The following AUTS2 variants were observed in gnomAD, a reference collection of about 807,000 sequenced individuals.
The protein encoded by AUTS2 is activator of transcription and developmental regulator AUTS2.
AUTS2 carries 17 observed loss-of-function variants against 112.4 expected under a neutral mutation model. That is an observed-to-expected ratio of 0.15 (90% CI 0.10 to 0.23). The LOEUF (loss-of-function observed/expected upper bound fraction) is 0.23. Ranked by LOEUF, AUTS2 falls within the 10% of genes least tolerant of loss-of-function variation. The pLI, the probability that AUTS2 is intolerant of heterozygous loss-of-function variation, is 1.00. For synonymous variants in AUTS2, 751 were observed against 702.7 expected (o/e 1.07, Z -1.09); for missense variants, 1,510 against 1,701.6 (o/e 0.89, Z 1.98).
At chr7:70,569,515 C>T (rs911906545) in intron 5 of AUTS2, among the ~76,000 whole-genome samples, 1 of 152,252 alleles carries the variant, frequency 6.6e-6, no homozygotes, top group Non-Finnish European at 1.5e-5. Context: ...ATGGAGGCAG[C>T]AAGACTGCTA....
At chr7:70,319,749 G>A (rs1246253179) in intron 4 of AUTS2, among the ~76,000 whole-genome samples, 1 of 152,176 alleles carries the variant, frequency 6.6e-6, no homozygotes, top group Non-Finnish European at 1.5e-5. Context: ...TTTGGGATGA[G>A]GTTCTGGAAG....
chr7:69,847,432 C>A (rs1203748480), intron 1 of AUTS2, among the ~76,000 whole-genome samples: 1 of 152,160 alleles, frequency 6.6e-6, no homozygotes, highest in Non-Finnish European at 1.5e-5. Context: ...GCATTTTGCT[C>A]TAAGTGTGCT....
At chr7:70,733,262 C>T (rs1438776067) in intron 6 of AUTS2, among the ~76,000 whole-genome samples, 1 of 152,158 alleles carries the variant, frequency 6.6e-6, no homozygotes, top group Admixed American at 6.5e-5. Context: ...TCTCAGGACT[C>T]TTGGAGACTT....
intron 6 of AUTS2, among the ~76,000 whole-genome samples, chr7:70,737,185 G>T (rs571873988): frequency 4.6e-5 from 7 of 152,338 alleles, no homozygotes; most frequent in South Asian, 2.1e-4. Context: ...GATTTGGGTA[G>T]TGCATGCAGG....
chr7:69,884,236 T>G (rs1317080854), intron 1 of AUTS2, among the ~76,000 whole-genome samples: 3 of 152,236 alleles, frequency 2.0e-5, no homozygotes, highest in Admixed American at 6.5e-5. Context: ...TGGACAGCTC[T>G]TACAGATAAA....
intron 2 of AUTS2, among the ~76,000 whole-genome samples, chr7:70,049,720 T>C (rs1801661944): frequency 6.6e-6 from 1 of 152,134 alleles, no homozygotes; most frequent in Non-Finnish European, 1.5e-5. Flanking sequence ...TATATGAAGA[T>C]AGGCCAGCCA....
intron 5 of AUTS2, among the ~76,000 whole-genome samples, chr7:70,604,641 G>A (rs1453306709): frequency 6.6e-6 from 1 of 152,206 alleles, no homozygotes. Flanking sequence ...GAATTAGAGA[G>A]CATCTAGCCC....
At chr7:70,437,646 C>G (rs1184770745) in intron 5 of AUTS2, 1 of 152,070 alleles carries the variant, frequency 6.6e-6, no homozygotes, top group Non-Finnish European at 1.5e-5. Context: ...TGAGACCATC[C>G]TGGCTAACAC....
In AUTS2 at chr7:70,764,946, C is replaced by T; in HGVS notation, c.1409C>T (p.Pro470Leu). Residue 470 changes from proline (P) to leucine (L), a missense_variant, in exon 8 of 19, where the codon CCA becomes CTA. By Grantham distance (98) the Pro-to-Leu change is moderately conservative. This residue lies in a region of AUTS2 where 535 missense variants were observed against 594.3 expected (regional missense o/e 0.90). Coordinates refer to ENST00000342771, the MANE Select transcript of AUTS2 (RefSeq NM_015570.4). Reference protein sequence around the residue: ...FAPPTALPPPPPLTSGSLQVA... With the variant: ...FAPPTALPPPLPLTSGSLQVA... Reference sequence around the variant, plus strand: ...CCTCCCACTGCTCTGCCTCCTCCACCACCACTGACATCAGGAAGTCTGCAG... The same window carrying T: ...CCTCCCACTGCTCTGCCTCCTCCACTACCACTGACATCAGGAAGTCTGCAG... The T allele has an allele frequency of 1.9e-6, 3 of 1,613,432 alleles. No homozygotes were observed. In the African/African-American group the frequency reaches 4.0e-5, roughly 22 times the overall value.
intron 5 of AUTS2, among the ~76,000 whole-genome samples, chr7:70,671,990 A>G (rs911652639): frequency 1.3e-5 from 2 of 152,244 alleles, no homozygotes; most frequent in East Asian, 3.9e-4. Flanking sequence ...AATGAGCAAG[A>G]GGCACAGGGA....
chr7:70,211,576 G>A (rs1193969873), intron 4 of AUTS2, among the ~76,000 whole-genome samples: 1 of 151,566 alleles, frequency 6.6e-6, no homozygotes, highest in African/African-American at 2.4e-5. Flanking sequence ...GTCAACCTGG[G>A]AGGCGGAGGT....
At chr7:70,751,145 A>G (rs1389898017) in intron 6 of AUTS2, among the ~76,000 whole-genome samples, 1 of 152,178 alleles carries the variant, frequency 6.6e-6, no homozygotes, top group Non-Finnish European at 1.5e-5. Flanking sequence ...GCAACACAGA[A>G]TGTGTGCTTC....
At chr7:70,326,792 T>G (rs1010193854) in intron 4 of AUTS2, among the ~76,000 whole-genome samples, 1 of 152,148 alleles carries the variant, frequency 6.6e-6, no homozygotes, top group East Asian at 1.9e-4. Context: ...TGAGGAGACA[T>G]TGAATCCTCA....
intron 1 of AUTS2, among the ~76,000 whole-genome samples, chr7:69,635,172 G>A (rs1794457403): frequency 2.0e-5 from 3 of 152,118 alleles, no homozygotes; most frequent in Non-Finnish European, 2.9e-5. Flanking sequence ...AAGCACCTTG[G>A]CATTTTCCTT....
chr7:70,721,352 G>A (rs1450587908), intron 6 of AUTS2, among the ~76,000 whole-genome samples: 1 of 150,992 alleles, frequency 6.6e-6, no homozygotes, highest in Non-Finnish European at 1.5e-5. Flanking sequence ...AGGCTGGAGT[G>A]CAATGGCATG....
rs138808537 is a variant in AUTS2, at chr7:69,714,237, ATG to A, written c.309+114283_309+114284del. On this transcript the variant is annotated intron_variant, in intron 1 of 18. Transcript: ENST00000342771. ...CACCAACACACCCAGCTAATTGTGC[ATG>A]TGTGTGTATATGTGTGTGTGTGTGT... Among the ~76,000 whole-genome samples the A allele has an allele frequency of 1.0e-2, 899 of 89,946 alleles. 10 individuals are homozygous for A. The highest frequency in any genetic ancestry group is 0.04 in the African/African-American group (835 of 21,132). 59.0% of individuals were successfully genotyped at this position (89,946 alleles called of 152,430 possible).
chr7:70,528,030 A>T (rs1413713121), intron 5 of AUTS2, among the ~76,000 whole-genome samples: 1 of 150,728 alleles, frequency 6.6e-6, no homozygotes, highest in Non-Finnish European at 1.5e-5. Flanking sequence ...TTGTAAATTT[A>T]GAGGATGGGT....
intron 5 of AUTS2, among the ~76,000 whole-genome samples, chr7:70,487,939 G>A (rs979882153): frequency 2.0e-5 from 3 of 152,206 alleles, no homozygotes; most frequent in Admixed American, 6.5e-5. Flanking sequence ...CTGGGGCGGT[G>A]GTGGGCCAAG....
At chr7:70,695,322 C>T (rs974044306) in intron 5 of AUTS2, among the ~76,000 whole-genome samples, 6 of 152,214 alleles carry the variant, frequency 3.9e-5, no homozygotes, top group Non-Finnish European at 8.8e-5. Flanking sequence ...GCCTGGCGTT[C>T]GCCGCCAAGC....
Sources: gnomAD v4.1 joint callset for allele counts (sites outside exome capture counted in the v4.1 genomes callset) on GRCh38, gnomAD v4.1.1 for gene constraint, gnomAD v4.1.1 regional missense constraint, MANE v1.5 for transcripts, NCBI Gene and HGNC (gene_info 2026-07-23, HGNC 2026-07-21) for gene names.